The following DNMBP variants were observed in gnomAD, a reference collection of about 807,000 sequenced individuals.
DNMBP encodes dynamin-binding protein.
Under a neutral mutation model 150.0 loss-of-function variants are expected in DNMBP, and 87 were observed. The observed-to-expected ratio is 0.58, with a 90% CI of 0.49 to 0.69. The LOEUF (loss-of-function observed/expected upper bound fraction) is 0.69. Ranked by LOEUF, DNMBP falls within the 30% of genes least tolerant of loss-of-function variation. DNMBP has a pLI of 0.00. For synonymous variants in DNMBP, 711 were observed against 750.4 expected (o/e 0.95, Z 0.86); for missense variants, 1,774 against 1,949.0 (o/e 0.91, Z 1.69).
In DNMBP at chr10:99,917,950, T is replaced by C. The variant is rs141930840; in HGVS notation, c.2261-8804A>G. ...TGCCACTGCACTCCAGCCTGAGCGA[T>C]GGAGTAAGACTCTGTCTCAAAAAAA... On this transcript the variant is annotated intron_variant, in intron 4 of 16. Coordinates refer to ENST00000324109, the MANE Select transcript of DNMBP (RefSeq NM_015221.4). 5.1e-3 allele frequency among the ~76,000 whole-genome samples: 661 copies of C among 129,856 alleles called. 5 individuals carry two copies. The highest frequency in any genetic ancestry group is 0.019 in the African/African-American group (631 of 33,388). The allele number at this position is 129,856 out of a possible 152,430, so 85.2% of individuals were successfully genotyped here. A position where few individuals can be genotyped will look rare whatever the true frequency, so the allele number is the denominator to read the frequency against.
intron 4 of DNMBP, among the ~76,000 whole-genome samples, chr10:99,950,347 TG>T (rs2040406333): frequency 6.6e-6 from 1 of 152,134 alleles, no homozygotes; most frequent in Non-Finnish European, 1.5e-5. Flanking sequence ...AGTGTGAACA[TG>T]GACTAATACA....
intron 11 of DNMBP, 118 bp downstream of exon 11, chr10:99,894,828 C>T: frequency 1.4e-6 from 1 of 708,098 alleles, no homozygotes; most frequent in South Asian, 1.9e-5. Flanking sequence ...TATGATGGGG[C>T]ATAATAGTAA....
chr10:99,989,381 G>A (rs1033600899), intron 1 of DNMBP, among the ~76,000 whole-genome samples: 6 of 152,260 alleles, frequency 3.9e-5, no homozygotes, highest in Middle Eastern at 6.8e-3. Flanking sequence ...AAAGCCCCTG[G>A]CTCTTTAGCC....
intron 4 of DNMBP, among the ~76,000 whole-genome samples, chr10:99,952,113 C>T (rs1288796880): frequency 2.6e-5 from 4 of 152,148 alleles, no homozygotes; most frequent in African/African-American, 9.7e-5. Flanking sequence ...CAAACTCTCT[C>T]TTTGCCTGCT....
At chr10:99,948,887 C>T (rs1374968890) in intron 4 of DNMBP, among the ~76,000 whole-genome samples, 3 of 151,616 alleles carry the variant, frequency 2.0e-5, no homozygotes, top group African/African-American at 7.3e-5. Flanking sequence ...CACTTGAACC[C>T]GGGAGGCAGA....
chr10:99,921,863 T>TG (rs1274273099), intron 4 of DNMBP, among the ~76,000 whole-genome samples: 81 of 34,132 alleles, frequency 2.4e-3, no homozygotes, highest in South Asian at 0.012. Flanking sequence ...AGATTCCATC[T>TG]GAAAAAAAAA....
chr10:99,911,334 AACATGGTGAAACCCC>A (rs1364599328), intron 4 of DNMBP, among the ~76,000 whole-genome samples: 9 of 152,194 alleles, frequency 5.9e-5, no homozygotes, highest in Non-Finnish European at 1.3e-4. Flanking sequence ...CAGCCTGACC[AACATGGTGAAACCCC>A]ATCTCTACTA....
intron 4 of DNMBP, chr10:99,913,832 GATCT>G (rs776847580): frequency 1.0e-5 from 11 of 1,060,062 alleles, no homozygotes; most frequent in Non-Finnish European, 1.3e-5. Flanking sequence ...CAGAAAGCTG[GATCT>G]ATCTCTAATG....
intron 6 of DNMBP, among the ~76,000 whole-genome samples, chr10:99,905,715 A>C (rs1389841235): frequency 2.0e-5 from 3 of 152,158 alleles, no homozygotes; most frequent in Non-Finnish European, 2.9e-5. Flanking sequence ...TCGTGCCTAT[A>C]ATCACAGCAT....
chr10:99,887,973 C>CCT (rs2039496398), intron 12 of DNMBP, among the ~76,000 whole-genome samples: 3 of 151,836 alleles, frequency 2.0e-5, no homozygotes, highest in African/African-American at 7.3e-5. Context: ...TACAGGTGTG[C>CCT]GCCACCACAC....
intron 1 of DNMBP, among the ~76,000 whole-genome samples, chr10:99,975,627 C>A (rs1356566699): frequency 6.6e-6 from 1 of 152,092 alleles, no homozygotes; most frequent in Non-Finnish European, 1.5e-5. Context: ...ATGCTACTAA[C>A]ACATTTTCTC....
chr10:99,885,647 T>A (rs1564715473), intron 14 of DNMBP, 40 bp downstream of exon 14: 1 of 1,527,984 alleles, frequency 6.5e-7, no homozygotes. Context: ...TCCCCCTCTT[T>A]ACCCCGAGGC....
intron 1 of DNMBP, among the ~76,000 whole-genome samples, chr10:99,997,806 T>C (rs749844798): frequency 1.3e-5 from 2 of 150,882 alleles, no homozygotes; most frequent in South Asian, 2.1e-4. Flanking sequence ...CTCACACCCA[T>C]AATTCAAGCT....
At chr10:99,974,136 A>G (rs896381676) in intron 1 of DNMBP, among the ~76,000 whole-genome samples, 7 of 152,226 alleles carry the variant, frequency 4.6e-5, no homozygotes, top group African/African-American at 1.7e-4. Flanking sequence ...TTTATAAAAA[A>G]AAAAGTTAGA....
At chr10:100,005,892 T>C (rs1303939669) in intron 1 of DNMBP, among the ~76,000 whole-genome samples, 1 of 151,764 alleles carries the variant, frequency 6.6e-6, no homozygotes, top group Non-Finnish European at 1.5e-5. Flanking sequence ...AGGAAGCACA[T>C]GCAATGCATT....
Position 99,955,684 on chromosome 10 carries a change from G to T in DNMBP, c.1790C>A (p.Thr597Asn). The change falls in exon 4 of 17, where the codon ACC (threonine) becomes AAC (asparagine). Residue 597 changes from threonine (T) to asparagine (N), a missense_variant. Around this residue, in one of 2 missense-constraint regions of DNMBP, gnomAD observed 1,430 missense variants for 1,492.5 expected, o/e 0.96. Coordinates refer to ENST00000324109, the MANE Select transcript of DNMBP (RefSeq NM_015221.4). ...DIVRGSSKLI[T>N]EQELPERRKA... The stretch of plus-strand genomic sequence containing the variant: ...TCTCCTTTCCGGCAGCTCCTGCTCG[G>T]TGATTAACTTTGAGGAACCTCGGAC... The T allele has an allele frequency of 1.2e-6, 2 of 1,614,222 alleles. No homozygotes were observed.
rs778370574 is a variant in DNMBP at position 99,896,395 on chromosome 10, G to A, written c.2923C>T (p.Leu975Phe). 3.6e-5 allele frequency: 58 copies of A among 1,614,000 alleles called. No individual in the cohort carries two copies. Among genetic ancestry groups the A allele is most frequent in the Non-Finnish European group, 4.4e-5 (52 of 1,180,020 alleles). ...NEYKRRKDLV[L>F]KYRKGDEDSL... is the part of the protein sequence containing the mutation. ...TCTTCATCACCCTTACGGTACTTGA[G>A]GACTAGGGAGTAAGTCAGAAAAGCA... Residue 975 changes from leucine (L) to phenylalanine (F), a missense_variant and splice_region_variant, in exon 10 of 17, where the codon CTC (leucine) becomes TTC (phenylalanine). By Grantham distance (22) the Leu-to-Phe change is conservative. Around this residue, in one of 2 missense-constraint regions of DNMBP, gnomAD observed 1,430 missense variants for 1,492.5 expected, o/e 0.96. Transcript: ENST00000324109.
At chr10:99,975,013 C>T (rs1395757865) in intron 1 of DNMBP, among the ~76,000 whole-genome samples, 2 of 152,194 alleles carry the variant, frequency 1.3e-5, no homozygotes, top group Non-Finnish European at 2.9e-5. Flanking sequence ...CCACCTTGGC[C>T]TCCCAAAGTG....
chr10:99,902,303 CT>C (rs34120125), intron 6 of DNMBP, among the ~76,000 whole-genome samples: 1,364 of 82,588 alleles, frequency 0.017, 1 homozygote, highest in Middle Eastern at 0.049. Flanking sequence ...AGCCTCCCTT[CT>C]TTTTTTTTTT....
Sources: allele counts gnomAD v4.1 joint callset (sites outside exome capture counted in the v4.1 genomes callset), GRCh38; gene constraint gnomAD v4.1.1; regional missense constraint gnomAD v4.1.1; transcripts MANE v1.5; gene names NCBI Gene and HGNC (gene_info 2026-07-23, HGNC 2026-07-21).